Variants in RGS6 observed in about 807,000 individuals in gnomAD.
RGS6 encodes regulator of G protein signaling 6.
Under a neutral mutation model 78.5 loss-of-function variants are expected in RGS6, and 30 were observed. The observed-to-expected ratio is 0.38, with a 90% CI of 0.29 to 0.52. The LOEUF (loss-of-function observed/expected upper bound fraction) is 0.52. RGS6 is among the 20% of genes least tolerant of loss of function. The pLI is 0.85. For missense variants in RGS6, 495 were observed against 609.7 expected (o/e 0.81, Z 1.98); for synonymous variants, 206 against 206.0 (o/e 1.00, Z 0.00).
chr14:72,055,408 G>A (rs2153423924), intron 2 of RGS6, among the ~76,000 whole-genome samples: 1 of 152,156 alleles, frequency 6.6e-6, no homozygotes, highest in African/African-American at 2.4e-5. Flanking sequence ...ATAGAATGTG[G>A]TTGCCTTCAC....
intron 2 of RGS6, among the ~76,000 whole-genome samples, chr14:72,182,431 AAAAAGC>A (rs1056905433): frequency 4.0e-5 from 6 of 151,802 alleles, no homozygotes; most frequent in Non-Finnish European, 5.9e-5. Flanking sequence ...AAAAAAAAAA[AAAAAGC>A]AAGCAAGAAA....
chr14:72,127,172 A>G (rs1269122415), intron 2 of RGS6, among the ~76,000 whole-genome samples: 1 of 152,220 alleles, frequency 6.6e-6, no homozygotes, highest in African/African-American at 2.4e-5. Context: ...ATTATGATTA[A>G]CAATCAAAGT....
At chr14:72,011,492 A>T (rs1050766470) in intron 2 of RGS6, among the ~76,000 whole-genome samples, 1 of 152,168 alleles carries the variant, frequency 6.6e-6, no homozygotes, top group Non-Finnish European at 1.5e-5. Flanking sequence ...TGAGTGGAAT[A>T]CAGCTTTGAA....
At chr14:71,912,357 G>A in the RGS6 span, among the ~76,000 whole-genome samples, 1 of 152,084 alleles carries the variant, frequency 6.6e-6, no homozygotes, top group Non-Finnish European at 1.5e-5. Flanking sequence ...CAATTGGTTG[G>A]GCTTAGGATT....
chr14:71,981,829 C>A (rs11850970), intron 2 of RGS6, among the ~76,000 whole-genome samples: 3 of 148,492 alleles, frequency 2.0e-5, no homozygotes, highest in African/African-American at 5.0e-5. Flanking sequence ...TCGAGCTTCC[C>A]GGCTGCTTTG....
the RGS6 span, among the ~76,000 whole-genome samples, chr14:72,574,905 C>T: frequency 6.6e-6 from 1 of 152,088 alleles, no homozygotes; most frequent in African/African-American, 2.4e-5. Flanking sequence ...AGGTTAGGGC[C>T]TAGCAGTGAG....
At chr14:72,106,433 G>A (rs2095634327) in intron 2 of RGS6, among the ~76,000 whole-genome samples, 1 of 152,186 alleles carries the variant, frequency 6.6e-6, no homozygotes, top group Non-Finnish European at 1.5e-5. Context: ...GCATGCTTGA[G>A]TTTGAGAACC....
chr14:72,121,105 C>G (rs1002962647), intron 2 of RGS6, among the ~76,000 whole-genome samples: 1 of 152,156 alleles, frequency 6.6e-6, no homozygotes, highest in African/African-American at 2.4e-5. Context: ...GAGTCATCCT[C>G]CTCTTCACCA....
chr14:72,116,433 TG>T (rs1398383311), intron 2 of RGS6, among the ~76,000 whole-genome samples: 1 of 151,978 alleles, frequency 6.6e-6, no homozygotes, highest in African/African-American at 2.4e-5. Context: ...CTCTGTTGTA[TG>T]CATCTGTCCT....
At chr14:72,516,050 G>A (rs2096938691) in intron 14 of RGS6, among the ~76,000 whole-genome samples, 1 of 152,222 alleles carries the variant, frequency 6.6e-6, no homozygotes, top group African/African-American at 2.4e-5. Flanking sequence ...TGGTTCTCCT[G>A]TCTGCCTAGC....
the RGS6 span, among the ~76,000 whole-genome samples, chr14:72,579,907 G>T: frequency 6.6e-6 from 1 of 152,212 alleles, no homozygotes; most frequent in Non-Finnish European, 1.5e-5. Context: ...ATAGGTGGAT[G>T]GGGCACGAAT....
At chr14:72,541,331 G>T in intron 17 of RGS6, 2 of 1,333,176 alleles carry the variant, frequency 1.5e-6, no homozygotes, top group Non-Finnish European at 2.0e-6. Context: ...TGCATTTTAA[G>T]TGCATTTAAA....
chr14:72,481,707 T>G (rs1173985968), intron 12 of RGS6, among the ~76,000 whole-genome samples: 1 of 152,126 alleles, frequency 6.6e-6, no homozygotes, highest in Non-Finnish European at 1.5e-5. Flanking sequence ...CTTTCTGAGC[T>G]GTTACCCAAT....
intron 2 of RGS6, among the ~76,000 whole-genome samples, chr14:72,023,647 G>T (rs1180001985): frequency 6.6e-6 from 1 of 152,228 alleles, no homozygotes; most frequent in East Asian, 1.9e-4. Context: ...TTCAGAGGCA[G>T]TTTGAGTCAT....
chr14:71,969,519 C>G (rs1403477801), intron 2 of RGS6, among the ~76,000 whole-genome samples: 1 of 152,134 alleles, frequency 6.6e-6, no homozygotes, highest in East Asian at 1.9e-4. Flanking sequence ...CTCTGGATGT[C>G]TTCTACATCC....
chr14:72,414,354 C>T (rs938559244), intron 3 of RGS6, among the ~76,000 whole-genome samples: 5 of 152,200 alleles, frequency 3.3e-5, no homozygotes, highest in African/African-American at 2.4e-5. Context: ...CAGTTGATCA[C>T]ATCGACTACT....
intron 2 of RGS6, among the ~76,000 whole-genome samples, chr14:72,075,202 C>T (rs2094535142): frequency 6.6e-6 from 1 of 152,144 alleles, no homozygotes. Context: ...GAAAACTCGC[C>T]CATTTTCCCA....
rs1007085647 is a variant in RGS6, at chr14:72,242,845, T to C, written c.85-109250T>C. On this transcript the variant is annotated intron_variant, in intron 2 of 17. Coordinates refer to ENST00000553525, the MANE Select transcript of RGS6 (RefSeq NM_001204424.2). The stretch of plus-strand genomic sequence containing the variant: ...TTCCAACTTCATTTCTTTTCTTTTT[T>C]TTTTTTTTTTTTTTTTTTTTTGAGA... Among the ~76,000 whole-genome samples the C allele has an allele frequency of 1.1e-3, 144 of 127,690 alleles. 1 individual carries two copies. Among genetic ancestry groups the C allele is most frequent in the African/African-American group, 3.3e-3 (110 of 33,320 alleles). The allele number at this position is 127,690 out of a possible 152,430, so 83.8% of individuals were successfully genotyped here.
intron 9 of RGS6, among the ~76,000 whole-genome samples, chr14:72,474,408 T>C (rs1218959921): frequency 6.6e-6 from 1 of 152,228 alleles, no homozygotes; most frequent in African/African-American, 2.4e-5. Flanking sequence ...AACTGTACAC[T>C]ATACCCTCTA....
Sources: gnomAD v4.1 joint callset for allele counts (sites outside exome capture counted in the v4.1 genomes callset) on GRCh38, gnomAD v4.1.1 for gene constraint, MANE v1.5 for transcripts, NCBI Gene and HGNC (gene_info 2026-07-23, HGNC 2026-07-21) for gene names.